IL1RAPL1: variants seen among roughly 807,000 people sequenced by gnomAD.
The protein encoded by IL1RAPL1 is interleukin-1 receptor accessory protein-like 1.
IL1RAPL1 carries 3 observed loss-of-function variants against 48.4 expected under a neutral mutation model. The ratio of observed to expected loss-of-function variants is 0.06; its 90% CI spans 0.03 to 0.16. The LOEUF is 0.16. Ranked by LOEUF, IL1RAPL1 falls within the 10% of genes least tolerant of loss-of-function variation. The pLI, the probability that IL1RAPL1 is intolerant of heterozygous loss-of-function variation, is 1.00. For missense variants in IL1RAPL1, 349 were observed against 530.6 expected (o/e 0.66, Z 3.36); for synonymous variants, 185 against 187.7 (o/e 0.99, Z 0.12).
chrX:28,927,675 T>C (rs1041105505), intron 2 of IL1RAPL1, among the ~76,000 whole-genome samples: 2 of 108,860 alleles, frequency 1.8e-5, no homozygotes, highest in Admixed American at 9.9e-5. Flanking sequence ...CATTGTCAAA[T>C]TGAATGGCCA....
At chrX:29,342,670 A>G (rs1933098907) in intron 3 of IL1RAPL1, among the ~76,000 whole-genome samples, 1 of 112,282 alleles carries the variant, frequency 8.9e-6, no homozygotes, top group Admixed American at 9.5e-5. Context: ...ATACATGACA[A>G]TATGAAGTAT....
intron 2 of IL1RAPL1, among the ~76,000 whole-genome samples, chrX:29,281,753 T>C (rs958440866): frequency 1.8e-5 from 2 of 112,384 alleles, no homozygotes; most frequent in South Asian, 3.6e-4. Context: ...TTATTAAATG[T>C]AACAGGGGAT....
chrX:28,720,160 A>C (rs1297734048), intron 1 of IL1RAPL1, among the ~76,000 whole-genome samples: 1 of 111,115 alleles, frequency 9.0e-6, no homozygotes, highest in Non-Finnish European at 1.9e-5. Context: ...TTCTTTTTTT[A>C]ATTACTCTGA....
At chrX:29,633,140 A>G (rs966901530) in intron 5 of IL1RAPL1, among the ~76,000 whole-genome samples, 2 of 111,517 alleles carry the variant, frequency 1.8e-5, no homozygotes, top group African/African-American at 6.5e-5. Context: ...ATTGTGATAC[A>G]TTCACATAAT....
chrX:28,734,182 C>T (rs767278844), intron 1 of IL1RAPL1, among the ~76,000 whole-genome samples: 1 of 111,605 alleles, frequency 9.0e-6, no homozygotes, highest in African/African-American at 3.2e-5. Flanking sequence ...ATCTGGTCTG[C>T]CTGCTTCTGC....
At chrX:29,727,920 A>C (rs771790259) in intron 6 of IL1RAPL1, among the ~76,000 whole-genome samples, 5 of 110,264 alleles carry the variant, frequency 4.5e-5, no homozygotes, top group South Asian at 7.9e-4. Flanking sequence ...CACTATTCTT[A>C]TTCTTCTTCT....
intron 2 of IL1RAPL1, among the ~76,000 whole-genome samples, chrX:29,197,289 C>T: frequency 9.0e-6 from 1 of 111,464 alleles, no homozygotes; most frequent in Non-Finnish European, 1.9e-5. Context: ...GTAACCAAGG[C>T]TTGATTTAGA....
At chrX:29,354,831 C>G (rs1380241837) in intron 3 of IL1RAPL1, among the ~76,000 whole-genome samples, 4 of 111,947 alleles carry the variant, frequency 3.6e-5, no homozygotes, top group Admixed American at 9.5e-5. Flanking sequence ...GCTGGAGCCC[C>G]TGTAACAAAA....
intron 2 of IL1RAPL1, among the ~76,000 whole-genome samples, chrX:29,217,769 TCTCTCTCTCACACACACA>T (rs1182063531): frequency 1.4e-5 from 1 of 71,135 alleles, no homozygotes; most frequent in African/African-American, 5.1e-5. Flanking sequence ...TCTCTCTCTC[TCTCTCTCTCACACACACA>T]CACACACACA....
intron 2 of IL1RAPL1, among the ~76,000 whole-genome samples, chrX:29,087,414 G>T (rs1290280639): frequency 9.0e-6 from 1 of 110,840 alleles, no homozygotes; most frequent in Non-Finnish European, 1.9e-5. Context: ...GTGATTACAG[G>T]CATGAGCCAC....
At chrX:28,869,451 G>A (rs1365290683) in intron 2 of IL1RAPL1, among the ~76,000 whole-genome samples, 1 of 75,028 alleles carries the variant, frequency 1.3e-5, no homozygotes, top group African/African-American at 6.0e-5. Context: ...AGTCAAGCCT[G>A]TAGCTGAATA....
intron 2 of IL1RAPL1, among the ~76,000 whole-genome samples, chrX:29,082,276 T>G (rs980408069): frequency 4.4e-5 from 5 of 112,432 alleles, no homozygotes; most frequent in Non-Finnish European, 7.5e-5. Context: ...GTATAACCAT[T>G]AGCTTTTGAC....
At chrX:29,381,403 C>G (rs1000073283) in intron 3 of IL1RAPL1, among the ~76,000 whole-genome samples, 3 of 97,356 alleles carry the variant, frequency 3.1e-5, no homozygotes, top group African/African-American at 1.1e-4. Flanking sequence ...CCCTATAACC[C>G]CAGCACTTTG....
intron 6 of IL1RAPL1, among the ~76,000 whole-genome samples, chrX:29,691,120 T>A (rs755850653): frequency 1.8e-5 from 2 of 111,900 alleles, no homozygotes; most frequent in Admixed American, 9.5e-5. Flanking sequence ...TTTTGTGACC[T>A]GCTTACCAAT....
chrX:29,393,872 A>G (rs1047752639), intron 3 of IL1RAPL1, among the ~76,000 whole-genome samples: 2 of 111,099 alleles, frequency 1.8e-5, no homozygotes, highest in Non-Finnish European at 3.8e-5. Flanking sequence ...ATGAGCCTAG[A>G]AAGAGCATGC....
chrX:28,764,233 C>T (rs989775010), intron 1 of IL1RAPL1, among the ~76,000 whole-genome samples: 13 of 110,781 alleles, frequency 1.2e-4, no homozygotes, highest in African/African-American at 4.3e-4. Context: ...GAAATGGGGC[C>T]ACGAGAATTC....
At chrX:29,013,696 C>T (rs1026245849) in intron 2 of IL1RAPL1, among the ~76,000 whole-genome samples, 1 of 110,747 alleles carries the variant, frequency 9.0e-6, no homozygotes, top group Non-Finnish European at 1.9e-5. Context: ...GAACGACACA[C>T]ACTAGGGCCT....
chrX:29,188,622 T>A (rs1224886490), intron 2 of IL1RAPL1, among the ~76,000 whole-genome samples: 1 of 98,048 alleles, frequency 1.0e-5, no homozygotes, highest in African/African-American at 3.8e-5. Context: ...AGTCTTGCTC[T>A]GTTGCCCAGA....
chrX:28,688,198 A>AT (rs56160447), intron 1 of IL1RAPL1, among the ~76,000 whole-genome samples: 48 of 99,409 alleles, frequency 4.8e-4, no homozygotes, highest in Non-Finnish European at 7.4e-4. Context: ...AATATATCAC[A>AT]TTTTTTTTTT....
Sources: allele counts gnomAD v4.1 joint callset (sites outside exome capture counted in the v4.1 genomes callset), GRCh38; gene constraint gnomAD v4.1.1; transcripts MANE v1.5; gene names NCBI Gene and HGNC (gene_info 2026-07-23, HGNC 2026-07-21).